Variants in TAS2R1 observed in about 807,000 individuals in gnomAD.
TAS2R1 encodes taste 2 receptor member 1.
For synonymous variants in TAS2R1, 141 were observed against 134.2 expected (o/e 1.05, Z -0.35); for missense variants, 370 against 353.4 (o/e 1.05, Z -0.38).
At chr5:9,710,551 G>T in intron 1 of TAS2R1, among the ~76,000 whole-genome samples, 1 of 152,208 alleles carries the variant, frequency 6.6e-6, no homozygotes. Context: ...AAAGGTTTCC[G>T]CACACCTAAG....
At chr5:9,727,267 AG>A in the TAS2R1 span, among the ~76,000 whole-genome samples, 4 of 152,250 alleles carry the variant, frequency 2.6e-5, no homozygotes, top group Non-Finnish European at 5.9e-5. Context: ...CTCAGATCTT[AG>A]TACATTTCCA....
chr5:9,817,734 A>G, the TAS2R1 span, among the ~76,000 whole-genome samples: 1 of 152,202 alleles, frequency 6.6e-6, no homozygotes, highest in African/African-American at 2.4e-5. Context: ...ACACTACCTG[A>G]AACTGGAAAA....
At chr5:9,872,636 T>G in the TAS2R1 span, among the ~76,000 whole-genome samples, 1 of 152,220 alleles carries the variant, frequency 6.6e-6, no homozygotes, top group Non-Finnish European at 1.5e-5. Context: ...TACATGAATG[T>G]AAGTAAATAT....
chr5:9,791,561 T>C, the TAS2R1 span, among the ~76,000 whole-genome samples: 3 of 152,082 alleles, frequency 2.0e-5, no homozygotes, highest in African/African-American at 7.2e-5. Context: ...TGGCCAGGCA[T>C]CATGGCGCAT....
chr5:9,785,770 A>G, the TAS2R1 span, among the ~76,000 whole-genome samples: 242 of 152,322 alleles, frequency 1.6e-3, no homozygotes, highest in African/African-American at 5.7e-3. Context: ...ACCTGGGCAC[A>G]CAGCGTAGTG....
the TAS2R1 span, among the ~76,000 whole-genome samples, chr5:9,855,852 G>A: frequency 2.0e-5 from 3 of 152,132 alleles, no homozygotes; most frequent in Non-Finnish European, 4.4e-5. Context: ...TTGCTTTTTG[G>A]TTTTTGTTTT....
the TAS2R1 span, among the ~76,000 whole-genome samples, chr5:9,781,926 A>G: frequency 1.3e-5 from 2 of 152,088 alleles, no homozygotes; most frequent in Non-Finnish European, 2.9e-5. Flanking sequence ...TTGACTCATT[A>G]CATTTATTGT....
At chr5:9,702,076 C>T (rs1447716721) in intron 1 of TAS2R1, among the ~76,000 whole-genome samples, 1 of 152,132 alleles carries the variant, frequency 6.6e-6, no homozygotes, top group Non-Finnish European at 1.5e-5. Context: ...TTTAGGTTCT[C>T]TCATTTCTCC....
At chr5:9,760,706 G>A in the TAS2R1 span, among the ~76,000 whole-genome samples, 1 of 152,168 alleles carries the variant, frequency 6.6e-6, no homozygotes, top group Non-Finnish European at 1.5e-5. Flanking sequence ...TTGATTTAAA[G>A]CCATACCAAG....
At chr5:9,754,742 G>T in the TAS2R1 span, among the ~76,000 whole-genome samples, 159 of 152,304 alleles carry the variant, frequency 1.0e-3, 1 homozygote, top group South Asian at 0.031. Context: ...TGAAATAAAA[G>T]AGGATACAAA....
At chr5:9,670,468 A>G (rs181956352) in intron 1 of TAS2R1, among the ~76,000 whole-genome samples, 54 of 152,126 alleles carry the variant, frequency 3.5e-4, no homozygotes, top group African/African-American at 1.2e-3. Flanking sequence ...TCTGTATATC[A>G]TTTTCCTTGT....
chr5:9,785,277 C>T, the TAS2R1 span, among the ~76,000 whole-genome samples: 4 of 152,156 alleles, frequency 2.6e-5, no homozygotes, highest in Non-Finnish European at 4.4e-5. Flanking sequence ...TATGCATCTT[C>T]AGGGGAGGTT....
upstream of TAS2R1, among the ~76,000 whole-genome samples, chr5:9,634,315 C>T (rs1041267728): frequency 6.6e-6 from 1 of 152,082 alleles, no homozygotes; most frequent in East Asian, 1.9e-4. Flanking sequence ...TGTTTTTATA[C>T]CAATACCATG....
upstream of TAS2R1, among the ~76,000 whole-genome samples, chr5:9,715,412 G>A (rs951669155): frequency 2.0e-5 from 3 of 152,226 alleles, no homozygotes. Flanking sequence ...AGCACCAGGA[G>A]GCTGTGGGTA....
At position 9,629,327 on chromosome 5, in the gene TAS2R1, G is replaced by A. The variant is rs774377566; in HGVS notation, c.706C>T (p.Leu236Phe). 5.6e-6 allele frequency: 9 copies of A among 1,613,678 alleles called. No homozygotes were observed. Among genetic ancestry groups the A allele is most frequent in the Non-Finnish European group, 7.6e-6 (9 of 1,179,856 alleles). The change falls in exon 1 of 1, where the codon CTC becomes TTC. Residue 236 changes from leucine (L) to phenylalanine (F), a missense_variant. Transcript: ENST00000382492. ...ALLSILSFLI[L>F]YFSHCMIKVF... ...TTTATCATGCAGTGGGAGAAGTAGA[G>A]GATCAGGAAGGACAGGATAGACAGC...
At chr5:9,795,675 G>A in the TAS2R1 span, among the ~76,000 whole-genome samples, 1 of 152,144 alleles carries the variant, frequency 6.6e-6, no homozygotes, top group Non-Finnish European at 1.5e-5. Flanking sequence ...AAGTGCTGAA[G>A]AAGTTTTTCA....
the TAS2R1 span, among the ~76,000 whole-genome samples, chr5:9,858,997 C>T: frequency 2.0e-5 from 3 of 152,304 alleles, no homozygotes; most frequent in South Asian, 2.1e-4. Flanking sequence ...ATTCCACTCA[C>T]GGAGAGGTAG....
the TAS2R1 span, among the ~76,000 whole-genome samples, chr5:9,825,488 AT>A: frequency 3.3e-5 from 5 of 152,130 alleles, no homozygotes; most frequent in African/African-American, 1.2e-4. Context: ...GGGGGCTACA[AT>A]TCAAGATGAG....
At chr5:9,763,695 C>T in the TAS2R1 span, among the ~76,000 whole-genome samples, 1 of 152,066 alleles carries the variant, frequency 6.6e-6, no homozygotes, top group Admixed American at 6.6e-5. Flanking sequence ...AAGCGAGAAT[C>T]GGAAGAACAA....
Sources: allele counts gnomAD v4.1 joint callset (sites outside exome capture counted in the v4.1 genomes callset), GRCh38; gene constraint gnomAD v4.1.1; transcripts MANE v1.5; gene names NCBI Gene and HGNC (gene_info 2026-07-23, HGNC 2026-07-21).